Variants in PDZRN4 observed in about 807,000 individuals in gnomAD.
PDZRN4 encodes PDZ domain-containing RING finger protein 4.
PDZRN4 carries 70 observed loss-of-function variants against 99.0 expected under a neutral mutation model. The ratio of observed to expected loss-of-function variants is 0.71; its 90% CI spans 0.58 to 0.86. The LOEUF is 0.86. PDZRN4 is among the 40% of genes least tolerant of loss of function. PDZRN4 has a pLI of 0.00. For missense variants in PDZRN4, 1,474 were observed against 1,331.2 expected (o/e 1.11, Z -1.67); for synonymous variants, 551 against 501.6 (o/e 1.10, Z -1.32).
At chr12:41,436,028 T>C (rs1341654139) in intron 3 of PDZRN4, among the ~76,000 whole-genome samples, 1 of 152,210 alleles carries the variant, frequency 6.6e-6, no homozygotes. Flanking sequence ...AGATTGCTTA[T>C]GTTTGTGGCC....
At chr12:41,402,042 C>T (rs552528677) in intron 3 of PDZRN4, among the ~76,000 whole-genome samples, 39 of 142,212 alleles carry the variant, frequency 2.7e-4, no homozygotes, top group Middle Eastern at 7.4e-3. Flanking sequence ...CTTGTAACTT[C>T]TTCCCACTCC....
intron 3 of PDZRN4, among the ~76,000 whole-genome samples, chr12:41,236,966 A>G (rs1463775170): frequency 6.6e-6 from 1 of 152,132 alleles, no homozygotes; most frequent in African/African-American, 2.4e-5. Context: ...TCATAATATT[A>G]TACTCTAAAA....
chr12:41,387,592 C>T (rs1313370296), intron 3 of PDZRN4, among the ~76,000 whole-genome samples: 1 of 152,016 alleles, frequency 6.6e-6, no homozygotes. Flanking sequence ...ACTCCAACAA[C>T]AACAACAACA....
At chr12:41,568,815 T>C (rs957166564) in intron 9 of PDZRN4, among the ~76,000 whole-genome samples, 2 of 150,544 alleles carry the variant, frequency 1.3e-5, no homozygotes, top group African/African-American at 4.9e-5. Flanking sequence ...TATTTTATTA[T>C]ATATATATAT....
rs1223426103 is a variant in PDZRN4 at position 41,188,846 on chromosome 12, G to T, written c.391G>T (p.Gly131Trp). ...GLGGGEVPAR[G>W]GCGPTPRAGR... ...GGGCGGTGGTGAGGTGCCCGCGCGG[G>T]GGGGCTGCGGTCCGACACCCAGGGC... The change falls in exon 1 of 10, where the codon GGG becomes TGG. Residue 131 changes from glycine (G) to tryptophan (W), a missense_variant. Physicochemically the swap from Gly to Trp is radical, Grantham distance 184. Transcript: ENST00000402685. 3.2e-6 allele frequency: 4 copies of T among 1,263,714 alleles called. No individual in the cohort carries two copies. The East Asian group carries it at 1.3e-4, about 41-fold the overall frequency. The allele number at this position is 1,263,714 out of a possible 1,614,324, so 78.3% of individuals were successfully genotyped here.
chr12:41,304,263 G>C (rs1008529083), intron 3 of PDZRN4, among the ~76,000 whole-genome samples: 1 of 152,144 alleles, frequency 6.6e-6, no homozygotes, highest in African/African-American at 2.4e-5. Flanking sequence ...ATCAAAAGGA[G>C]TTAAGTGATT....
chr12:41,340,946 A>G (rs1369841558), intron 3 of PDZRN4, among the ~76,000 whole-genome samples: 2 of 151,964 alleles, frequency 1.3e-5, no homozygotes. Context: ...ACTGATGAAC[A>G]TAGATACAAA....
Position 41,515,822 on chromosome 12 carries a change from C to A in PDZRN4, c.1203+5909C>A, listed in dbSNP as rs193292136. On this transcript the variant is annotated intron_variant, in intron 5 of 9. Coordinates refer to ENST00000402685, the MANE Select transcript of PDZRN4 (RefSeq NM_001164595.2). Reference sequence around the variant, plus strand: ...TCCTATTCACCACTGCCAGATCAAACCTTCTCAAGTGTGACTCTCATTGGT... The same window carrying A: ...TCCTATTCACCACTGCCAGATCAAAACTTCTCAAGTGTGACTCTCATTGGT... Among the ~76,000 whole-genome samples the A allele has an allele frequency of 1.8e-3, 268 of 152,030 alleles. 4 individuals carry two copies. The highest frequency in any genetic ancestry group is 4.9e-4 in the Non-Finnish European group (33 of 67,956).
At position 41,480,379 on chromosome 12, in the gene PDZRN4, T is replaced by C. The variant is rs146032893; in HGVS notation, c.844-26077T>C. ...TATTCCCACCTCTTTGTTCTATATC[T>C]ATTTATTATATTACGAATATAGATG... is the stretch of plus-strand genomic sequence containing the variant. On this transcript the variant is annotated intron_variant, in intron 3 of 9. Transcript: ENST00000402685. Among the ~76,000 whole-genome samples, 5 of 152,342 alleles carry C rather than the reference T, an allele frequency of 3.3e-5. No individual in the cohort carries two copies. The East Asian group carries it at 9.6e-4, about 29-fold the overall frequency.
intron 5 of PDZRN4, among the ~76,000 whole-genome samples, chr12:41,511,359 T>G (rs1938301776): frequency 6.6e-6 from 1 of 151,930 alleles, no homozygotes; most frequent in South Asian, 2.1e-4. Context: ...CACAACCTCT[T>G]TTTTGACCAA....
At chr12:41,284,336 C>T (rs1178225450) in intron 3 of PDZRN4, among the ~76,000 whole-genome samples, 1 of 152,102 alleles carries the variant, frequency 6.6e-6, no homozygotes, top group Non-Finnish European at 1.5e-5. Flanking sequence ...GAACTACAAA[C>T]CACTGCTTAA....
intron 6 of PDZRN4, among the ~76,000 whole-genome samples, chr12:41,553,544 T>C (rs1592109377): frequency 1.3e-5 from 2 of 151,894 alleles, no homozygotes; most frequent in East Asian, 3.9e-4. Context: ...AAAAAAAATA[T>C]TTAGTCAGTC....
At chr12:41,203,297 C>T (rs1410366619) in intron 3 of PDZRN4, among the ~76,000 whole-genome samples, 1 of 152,000 alleles carries the variant, frequency 6.6e-6, no homozygotes, top group East Asian at 1.9e-4. Flanking sequence ...ACCAAGAAGA[C>T]TTCCTTGGTA....
At chr12:41,460,772 T>C (rs1952865210) in intron 3 of PDZRN4, among the ~76,000 whole-genome samples, 1 of 152,178 alleles carries the variant, frequency 6.6e-6, no homozygotes, top group Non-Finnish European at 1.5e-5. Flanking sequence ...CGCTATACTT[T>C]CTTGAGTGGA....
At chr12:41,201,472 G>A (rs141681656) in intron 3 of PDZRN4, among the ~76,000 whole-genome samples, 3 of 152,046 alleles carry the variant, frequency 2.0e-5, no homozygotes, top group African/African-American at 4.8e-5. Context: ...AAATGTATGG[G>A]TTTCTCAGAA....
chr12:41,252,675 G>T (rs1485631837), intron 3 of PDZRN4, among the ~76,000 whole-genome samples: 1 of 152,136 alleles, frequency 6.6e-6, no homozygotes, highest in Non-Finnish European at 1.5e-5. Flanking sequence ...GGGAGGTGGA[G>T]GTTGCAGTGA....
chr12:41,223,590 A>C (rs1009496202), intron 3 of PDZRN4, among the ~76,000 whole-genome samples: 4 of 152,226 alleles, frequency 2.6e-5, no homozygotes, highest in Non-Finnish European at 4.4e-5. Flanking sequence ...TTTTGTTTTT[A>C]AAATGTTAAA....
chr12:41,548,849 T>C (rs1939004657), intron 5 of PDZRN4, among the ~76,000 whole-genome samples: 1 of 152,146 alleles, frequency 6.6e-6, no homozygotes, highest in South Asian at 2.1e-4. Context: ...AAAATCCCAT[T>C]TGTGTCATTC....
intron 4 of PDZRN4, 38 bp from the exon 5 acceptor site, chr12:41,509,773 T>A (rs751101534): frequency 1.1e-6 from 1 of 944,326 alleles, no homozygotes; most frequent in Non-Finnish European, 1.7e-6. Context: ...AAACAACCCA[T>A]TTAATCTATT....
Sources: gnomAD v4.1 joint callset for allele counts (sites outside exome capture counted in the v4.1 genomes callset) on GRCh38, gnomAD v4.1.1 for gene constraint, MANE v1.5 for transcripts, NCBI Gene and HGNC (gene_info 2026-07-23, HGNC 2026-07-21) for gene names.